PADI4: variants seen among roughly 807,000 people sequenced by gnomAD.
PADI4 encodes the protein peptidyl arginine deiminase 4, also known as protein-arginine deiminase type-4.
A neutral mutation model predicts 75.0 loss-of-function variants in PADI4; 62 were observed. The observed-to-expected ratio is 0.83, with a 90% CI of 0.67 to 1.02. PADI4 has a LOEUF of 1.02. Ranked by LOEUF, PADI4 falls within the 50% of genes least tolerant of loss-of-function variation. The pLI is 0.00. For missense variants in PADI4, 845 were observed against 850.5 expected (o/e 0.99, Z 0.08); for synonymous variants, 361 against 348.1 (o/e 1.04, Z -0.41).
chr1:17,329,818 T>G (rs1422764343), intron 1 of PADI4, among the ~76,000 whole-genome samples: 3 of 152,254 alleles, frequency 2.0e-5, no homozygotes, highest in African/African-American at 7.2e-5. Context: ...CTTTCCTTTC[T>G]GAATGCCTTT....
At position 17,338,433 on chromosome 1, in the gene PADI4, C is replaced by T. The variant is rs111370599; in HGVS notation, c.526+278C>T. 3.1e-3 allele frequency among the ~76,000 whole-genome samples: 477 copies of T among 152,298 alleles called. 5 individuals are homozygous for T. The highest frequency in any genetic ancestry group is 0.011 in the African/African-American group (442 of 41,578). On this transcript the variant is annotated intron_variant, in intron 5 of 15. Coordinates refer to ENST00000375448, the MANE Select transcript of PADI4 (RefSeq NM_012387.3). ...GCCTCACCCTGCTGCCCAACCTAAA[C>T]GCTCTTAGGTCAAACCTGGAGCCTG...
rs1425539275 is a variant in PADI4, at chr1:17,363,979, G to GT, written c.*231dup. 7.2e-6 allele frequency: 3 copies of GT among 417,938 alleles called. No individual in the cohort carries two copies. The highest frequency in any genetic ancestry group is 8.0e-5 in the East Asian group (2 of 25,118). 25.9% of individuals were successfully genotyped at this position (417,938 alleles called of 1,614,324 possible). Reference sequence around the variant, plus strand: ...TTCTGCTCTAAGAAGCTGCAATAAAGTTTTTTTAAGTCACTTTGTACATGA... The same window carrying GT: ...TTCTGCTCTAAGAAGCTGCAATAAAGTTTTTTTTAAGTCACTTTGTACATGA... On this transcript the variant is annotated 3_prime_UTR_variant, in exon 16 of 16. Coordinates refer to ENST00000375448, the MANE Select transcript of PADI4 (RefSeq NM_012387.3).
In PADI4 at chr1:17,342,099, C is replaced by T; in HGVS notation, c.809C>T (p.Ser270Phe). The T allele has an allele frequency of 6.2e-7, 1 of 1,614,044 alleles. No individual in the cohort carries two copies. The highest frequency in any genetic ancestry group is 8.5e-7 in the Non-Finnish European group (1 of 1,179,992). ...CCGGGGCTCATTACCCTCACCATCTCCCTGCTGGACACGTCCAACCTGGTA... is the reference window on the plus strand; with the variant it reads ...CCGGGGCTCATTACCCTCACCATCTTCCTGCTGGACACGTCCAACCTGGTA... ...DFPGLITLTI[S>F]LLDTSNLELP... Residue 270 changes from serine (S) to phenylalanine (F), a missense_variant, in exon 7 of 16, where the codon TCC becomes TTC. By Grantham distance (155) the Ser-to-Phe change is radical. Transcript: ENST00000375448.
rs1016230133 is a variant in PADI4, at chr1:17,308,833, C to G, written c.92+519C>G. ...GACCTGCTGCTGGCTAGCAAGGAGG[C>G]CTTGGGCAACTGAGCCTCAGTTGCC... On this transcript the variant is annotated intron_variant, in intron 1 of 15. Transcript: ENST00000375448. Among the ~76,000 whole-genome samples, 15 of 152,152 alleles carry G rather than the reference C, an allele frequency of 9.9e-5. No individual in the cohort carries two copies. The South Asian group carries it at 1.5e-3, about 15-fold the overall frequency.
At chr1:17,338,279 T>A in intron 5 of PADI4, 124 bp downstream of exon 5, 1 of 664,402 alleles carries the variant, frequency 1.5e-6, no homozygotes, top group Admixed American at 2.0e-5. Context: ...TTGGCAAATC[T>A]GTTTTATAGG....
chr1:17,349,499 G>A (rs1306830571), intron 10 of PADI4, among the ~76,000 whole-genome samples: 1 of 152,170 alleles, frequency 6.6e-6, no homozygotes, highest in African/African-American at 2.4e-5. Context: ...GAGGTCAGAA[G>A]TTCGAGACCA....
At chr1:17,320,140 C>G (rs2074009448) in intron 1 of PADI4, among the ~76,000 whole-genome samples, 1 of 152,222 alleles carries the variant, frequency 6.6e-6, no homozygotes, top group African/African-American at 2.4e-5. Context: ...AGGGGCAAAC[C>G]CATTCCTTGC....
chr1:17,308,742 A>C (rs2501800), intron 1 of PADI4, among the ~76,000 whole-genome samples: 1 of 152,052 alleles, frequency 6.6e-6, no homozygotes. Context: ...CAGTGGGTGC[A>C]TAATAGCGTG....
intron 1 of PADI4, 99 bp downstream of exon 1, chr1:17,308,413 GCTCCAGCCT>G: frequency 1.1e-6 from 1 of 927,480 alleles, no homozygotes; most frequent in Non-Finnish European, 1.7e-6. Flanking sequence ...CAGGCTCTAG[GCTCCAGCCT>G]CTGCAGCCAC....
chr1:17,335,008 T>G (rs558003396), intron 3 of PADI4, among the ~76,000 whole-genome samples: 10 of 152,006 alleles, frequency 6.6e-5, no homozygotes, highest in African/African-American at 2.4e-4. Context: ...CTGAGCATGG[T>G]GGCATGTGCC....
At chr1:17,318,253 C>T (rs907954235) in intron 1 of PADI4, among the ~76,000 whole-genome samples, 1 of 152,170 alleles carries the variant, frequency 6.6e-6, no homozygotes, top group Non-Finnish European at 1.5e-5. Context: ...GGAATGGCAC[C>T]AGGCTGGGCT....
At chr1:17,352,108 AG>A (rs2074662363) in intron 10 of PADI4, among the ~76,000 whole-genome samples, 216 of 148,770 alleles carry the variant, frequency 1.5e-3, no homozygotes, top group East Asian at 2.6e-3. Context: ...AGGTGGTAGG[AG>A]AGACTGTGGT....
intron 15 of PADI4, among the ~76,000 whole-genome samples, chr1:17,362,567 G>A (rs2074861706): frequency 6.6e-6 from 1 of 151,996 alleles, no homozygotes; most frequent in Non-Finnish European, 1.5e-5. Flanking sequence ...GGTGAGGGCT[G>A]GAAAATTACC....
At chr1:17,319,748 C>T (rs191209656) in intron 1 of PADI4, among the ~76,000 whole-genome samples, 2 of 152,288 alleles carry the variant, frequency 1.3e-5, no homozygotes, top group East Asian at 1.9e-4. Context: ...CCACAGAGCA[C>T]GGAAGCGAGG....
At chr1:17,341,888 G>A in intron 6 of PADI4, 55 bp from the exon 7 acceptor site, 3 of 1,408,542 alleles carry the variant, frequency 2.1e-6, no homozygotes, top group Non-Finnish European at 3.0e-6. Flanking sequence ...AGGAGAGGAG[G>A]AAAAGTCTTC....
chr1:17,353,242 T>C (rs527682630), intron 10 of PADI4, among the ~76,000 whole-genome samples: 93 of 152,082 alleles, frequency 6.1e-4, no homozygotes, highest in Non-Finnish European at 1.2e-3. Context: ...GCAGGAAGAT[T>C]GAGCCCAGGA....
chr1:17,335,289 A>G (rs562979953), intron 3 of PADI4, among the ~76,000 whole-genome samples: 38 of 152,314 alleles, frequency 2.5e-4, no homozygotes, highest in African/African-American at 8.2e-4. Context: ...CTGTGCTAAG[A>G]CTTTACATTT....
At chr1:17,322,492 C>A (rs28868072) in intron 1 of PADI4, among the ~76,000 whole-genome samples, 119 of 59,010 alleles carry the variant, frequency 2.0e-3, no homozygotes, top group African/African-American at 6.3e-3. Context: ...CCATCCCCCC[C>A]CAAAAAAAAA....
intron 8 of PADI4, among the ~76,000 whole-genome samples, chr1:17,345,069 G>T (rs1169549339): frequency 6.6e-5 from 10 of 152,248 alleles, no homozygotes; most frequent in Non-Finnish European, 8.8e-5. Flanking sequence ...AGCCACAGGG[G>T]CAGAGCTGCC....
Sources: allele counts gnomAD v4.1 joint callset (sites outside exome capture counted in the v4.1 genomes callset), GRCh38; gene constraint gnomAD v4.1.1; transcripts MANE v1.5; gene names NCBI Gene and HGNC (gene_info 2026-07-23, HGNC 2026-07-21).